JOSD2: variants seen among roughly 807,000 people sequenced by gnomAD.
The protein encoded by JOSD2 is josephin-2.
In JOSD2, 20 loss-of-function variants were observed where a neutral mutation model predicts 19.3. The ratio of observed to expected loss-of-function variants is 1.04; its 90% CI spans 0.73 to 1.51. JOSD2 has a LOEUF of 1.51. JOSD2 is among the 40% of genes most tolerant of loss of function. JOSD2 has a pLI of 0.00. For missense variants in JOSD2, 215 were observed against 250.4 expected, an observed-to-expected ratio of 0.86 and a Z score of 0.95; for synonymous variants, 118 against 123.7, an observed-to-expected ratio of 0.95 and a Z score of 0.31.
intron 1 of JOSD2, among the ~76,000 whole-genome samples, 194 bp from the exon 2 acceptor site, chr19:50,510,642 G>A (rs1185045427): frequency 6.6e-6 from 1 of 151,958 alleles, no homozygotes; most frequent in Non-Finnish European, 1.5e-5. Flanking sequence ...CTATTCCTAC[G>A]AAAAACGCTG....
At chr19:50,507,978 C>G (rs929513560) in intron 2 of JOSD2, 15 of 509,116 alleles carry the variant, frequency 2.9e-5, no homozygotes, top group Non-Finnish European at 4.5e-5. Flanking sequence ...CAACTCTGCC[C>G]TGTCCCCAAG....
In JOSD2 at chr19:50,507,628, A is replaced by G; in HGVS notation, c.218T>C (p.Ile73Thr). The change falls in exon 3 of 5, where the codon ATC becomes ACC. Residue 73 changes from isoleucine (I) to threonine (T), a missense_variant. Transcript: ENST00000598418. ...LGTGNYDVNVIMAALQGLGLA... is the reference protein window; with the variant it reads ...LGTGNYDVNVTMAALQGLGLA... ...GCCCAGCCCCTGCAGAGCGGCCATG[A>G]TCACATTGACATCATAGTTGCCGGT... 2.5e-6 allele frequency: 4 copies of G among 1,611,446 alleles called. No individual in the cohort carries two copies. The highest frequency in any genetic ancestry group is 3.4e-6 in the Non-Finnish European group (4 of 1,179,910).
chr19:50,511,000 GTTCCTC>G (rs927336907), intron 1 of JOSD2, 111 bp downstream of exon 1: 8 of 430,410 alleles, frequency 1.9e-5, no homozygotes, highest in East Asian at 7.9e-5. Flanking sequence ...AGCAACAGGA[GTTCCTC>G]TTCCTATCAC....
intron 2 of JOSD2, 66 bp downstream of exon 2, chr19:50,510,220 C>G (rs1427932709): frequency 5.0e-6 from 8 of 1,598,072 alleles, no homozygotes; most frequent in African/African-American, 1.3e-5. Flanking sequence ...TGCCTGGCGG[C>G]GAGACCCAGG....
At chr19:50,510,060 A>AAAAAAAAG in intron 2 of JOSD2, 1 of 450,142 alleles carries the variant, frequency 2.2e-6, no homozygotes, top group East Asian at 4.2e-5. Flanking sequence ...TCAAAAAAAA[A>AAAAAAAAG]AAAAAAAGAA....
chr19:50,507,822 T>C, intron 2 of JOSD2, 123 bp from the exon 3 acceptor site: 1 of 1,227,982 alleles, frequency 8.1e-7, no homozygotes, highest in Non-Finnish European at 1.1e-6. Flanking sequence ...ACCCCACAAC[T>C]CATCCACCCC....
chr19:50,510,885 T>G (rs1026808640), intron 1 of JOSD2, among the ~76,000 whole-genome samples: 5 of 151,534 alleles, frequency 3.3e-5, no homozygotes, highest in South Asian at 2.1e-4. Flanking sequence ...GGTGATAGGG[T>G]CCCCTCTGGT....
At chr19:50,507,456 T>A (rs111763173) in intron 3 of JOSD2, 118 bp downstream of exon 3, 6 of 1,386,322 alleles carry the variant, frequency 4.3e-6, no homozygotes, top group African/African-American at 2.9e-5. Context: ...GTGCCAGGCT[T>A]CCCACATTCA....
chr19:50,507,158 T>C lies in JOSD2; in HGVS notation c.272+416A>G, dbSNP rs1477164817. Reference sequence around the variant, plus strand: ...ACCCAGCCAGCCATTCACCCAACAGTGGACTCGCCATGCCCCCAATCCTCA... The same window carrying C: ...ACCCAGCCAGCCATTCACCCAACAGCGGACTCGCCATGCCCCCAATCCTCA... On this transcript the variant is annotated intron_variant, in intron 3 of 4. Coordinates refer to ENST00000598418, the MANE Select transcript of JOSD2 (RefSeq NM_001270639.2). Among the ~76,000 whole-genome samples the C allele has an allele frequency of 7.4e-5, 8 of 108,022 alleles. No homozygotes were observed. The East Asian group carries it at 2.3e-3, about 31-fold the overall frequency. The allele number at this position is 108,022 out of a possible 152,430, so 70.9% of individuals were successfully genotyped here.
chr19:50,508,698 CGTGTGTGTGTGTGT>C (rs58475114), intron 2 of JOSD2, among the ~76,000 whole-genome samples: 55 of 140,910 alleles, frequency 3.9e-4, no homozygotes, highest in African/African-American at 4.8e-4. Flanking sequence ...GGAAAACGCT[CGTGTGTGTGTGTGT>C]GTGTGTGTGT....
intron 2 of JOSD2, among the ~76,000 whole-genome samples, chr19:50,508,197 G>A (rs375577564): frequency 4.1e-4 from 62 of 152,154 alleles, no homozygotes; most frequent in African/African-American, 1.4e-3. Flanking sequence ...CTGTCCCTCC[G>A]CCAGTCCCTT....
At chr19:50,510,177 C>T in intron 2 of JOSD2, 109 bp downstream of exon 2, 2 of 1,342,408 alleles carry the variant, frequency 1.5e-6, no homozygotes, top group South Asian at 1.3e-5. Context: ...CAAGTGAGCG[C>T]GGAGCAGAAG....
chr19:50,510,545 G>T, intron 1 of JOSD2, 97 bp from the exon 2 acceptor site: 1 of 1,205,506 alleles, frequency 8.3e-7, no homozygotes, highest in Non-Finnish European at 1.1e-6. Context: ...ATTGAGCTGG[G>T]ACTCGGAGCA....
At chr19:50,507,401 C>T (rs1713531595) in intron 3 of JOSD2, among the ~76,000 whole-genome samples, 173 bp downstream of exon 3, 1 of 151,984 alleles carries the variant, frequency 6.6e-6, no homozygotes, top group African/African-American at 2.4e-5. Flanking sequence ...ATCCACCCAG[C>T]ATCTCAGCCC....
At chr19:50,510,876 G>A (rs999279463) in intron 1 of JOSD2, among the ~76,000 whole-genome samples, 2 of 151,822 alleles carry the variant, frequency 1.3e-5, no homozygotes, top group African/African-American at 4.8e-5. Flanking sequence ...CTGTCTCTAG[G>A]TGATAGGGTC....
At chr19:50,509,410 A>G (rs1454723841) in intron 2 of JOSD2, among the ~76,000 whole-genome samples, 1 of 152,016 alleles carries the variant, frequency 6.6e-6, no homozygotes, top group Non-Finnish European at 1.5e-5. Flanking sequence ...GATGTTGGAC[A>G]TTGTGAATAG....
At chr19:50,507,432 C>G in intron 3 of JOSD2, 142 bp downstream of exon 3, 1 of 1,189,782 alleles carries the variant, frequency 8.4e-7, no homozygotes, top group Non-Finnish European at 1.2e-6. Flanking sequence ...TGATCTCCCC[C>G]TTTCAACCCA....
At chr19:50,508,712 T>C (rs1979541594) in intron 2 of JOSD2, among the ~76,000 whole-genome samples, 1 of 150,824 alleles carries the variant, frequency 6.6e-6, no homozygotes, top group Admixed American at 6.6e-5. Flanking sequence ...TGTGTGTGTG[T>C]GTGTGTGTGT....
At chr19:50,508,925 A>C (rs967078855) in intron 2 of JOSD2, among the ~76,000 whole-genome samples, 3 of 151,956 alleles carry the variant, frequency 2.0e-5, no homozygotes, top group African/African-American at 7.3e-5. Context: ...GGCTTGGAGC[A>C]AGAGGCAGGG....
Sources: allele counts gnomAD v4.1 joint callset (sites outside exome capture counted in the v4.1 genomes callset), GRCh38; gene constraint gnomAD v4.1.1; transcripts MANE v1.5; gene names NCBI Gene and HGNC (gene_info 2026-07-23, HGNC 2026-07-21).